The following SEMA3A variants were observed in gnomAD, a reference collection of about 807,000 sequenced individuals.
SEMA3A encodes semaphorin 3A, also known as semaphorin-3A.
Under a neutral mutation model 97.9 loss-of-function variants are expected in SEMA3A, and 29 were observed. The ratio of observed to expected loss-of-function variants is 0.30; its 90% CI spans 0.22 to 0.40. The LOEUF is 0.40. Among genes scored for constraint, SEMA3A ranks in the 10% least tolerant of loss-of-function variants. The pLI, the probability that SEMA3A is intolerant of heterozygous loss-of-function variation, is 1.00. For synonymous variants in SEMA3A, 321 were observed against 323.7 expected, an observed-to-expected ratio of 0.99 and a Z score of 0.09; for missense variants, 763 against 951.3, an observed-to-expected ratio of 0.80 and a Z score of 2.60.
intron 2 of SEMA3A, among the ~76,000 whole-genome samples, chr7:84,327,751 A>C (rs1801805120): frequency 6.6e-6 from 1 of 151,992 alleles, no homozygotes; most frequent in South Asian, 2.1e-4. Flanking sequence ...AATGCAAGTA[A>C]TGTGGCATTT....
At chr7:84,047,709 G>A (rs1306765927) in intron 5 of SEMA3A, among the ~76,000 whole-genome samples, 8 of 152,032 alleles carry the variant, frequency 5.3e-5, no homozygotes, top group African/African-American at 1.9e-4. Context: ...ATATTATCTT[G>A]TTGATCGAAT....
At chr7:84,369,538 G>T (rs1802927017) in intron 2 of SEMA3A, among the ~76,000 whole-genome samples, 1 of 151,004 alleles carries the variant, frequency 6.6e-6, no homozygotes, top group South Asian at 2.1e-4. Flanking sequence ...TGATTATATT[G>T]AACAGTCTTT....
intron 15 of SEMA3A, among the ~76,000 whole-genome samples, chr7:83,965,656 AT>A (rs1788656361): frequency 9.1e-5 from 1 of 10,984 alleles, no homozygotes; most frequent in East Asian, 4.8e-3. Context: ...ATATATATAT[AT>A]ATATATATAT....
intron 1 of SEMA3A, among the ~76,000 whole-genome samples, chr7:84,435,175 G>T (rs187509027): frequency 6.6e-6 from 1 of 151,600 alleles, no homozygotes; most frequent in East Asian, 1.9e-4. Context: ...CAAAATTAAC[G>T]TACAAAAATC....
intron 3 of SEMA3A, among the ~76,000 whole-genome samples, chr7:84,231,691 G>A (rs1321344983): frequency 6.6e-6 from 1 of 151,838 alleles, no homozygotes; most frequent in East Asian, 1.9e-4. Flanking sequence ...AGGCCAGAAG[G>A]GAATGGAAAA....
At chr7:83,988,968 T>A (rs1721982) in intron 12 of SEMA3A, among the ~76,000 whole-genome samples, 109,281 of 150,538 alleles carry the variant, frequency 0.73, 39,808 homozygotes, top group East Asian at 0.88. Context: ...TTCAGCTTTT[T>A]TAAAAAAAGT....
At chr7:84,090,364 A>G (rs34934460) in intron 4 of SEMA3A, among the ~76,000 whole-genome samples, 62,808 of 152,046 alleles carry the variant, frequency 0.41, 14,848 homozygotes, top group Admixed American at 0.52. Context: ...TTCTGTTTCT[A>G]AAACTTCTTT....
chr7:84,300,032 CA>C (rs58929555), intron 3 of SEMA3A, among the ~76,000 whole-genome samples: 7,334 of 53,328 alleles, frequency 0.14, 112 homozygotes, highest in East Asian at 0.22. Flanking sequence ...GACTCAGTCA[CA>C]AAAAAAAAAA....
At chr7:84,477,092 ATT>A (rs61617588) in intron 1 of SEMA3A, among the ~76,000 whole-genome samples, 3 of 141,566 alleles carry the variant, frequency 2.1e-5, no homozygotes, top group East Asian at 4.6e-4. Flanking sequence ...ATATATATAT[ATT>A]TTTCAAAAAA....
At chr7:84,217,265 C>T (rs973173332) in intron 3 of SEMA3A, among the ~76,000 whole-genome samples, 1 of 152,072 alleles carries the variant, frequency 6.6e-6, no homozygotes, top group Admixed American at 6.6e-5. Context: ...TTATAACTTC[C>T]TCCTCTCTAA....
intron 3 of SEMA3A, among the ~76,000 whole-genome samples, chr7:84,201,099 T>C (rs758677462): frequency 4.6e-5 from 7 of 152,092 alleles, no homozygotes; most frequent in Admixed American, 1.3e-4. Context: ...AGCAATATGG[T>C]TTAAAGGATT....
intron 1 of SEMA3A, among the ~76,000 whole-genome samples, chr7:84,423,527 G>A (rs1234949667): frequency 1.3e-5 from 2 of 151,946 alleles, no homozygotes; most frequent in Admixed American, 1.3e-4. Context: ...TTCCTTCCCA[G>A]ACACTTCCTA....
intron 2 of SEMA3A, among the ~76,000 whole-genome samples, chr7:84,318,118 A>C (rs1485900088): frequency 1.3e-5 from 2 of 152,044 alleles, no homozygotes; most frequent in Admixed American, 1.3e-4. Flanking sequence ...AAATAAAAGA[A>C]AAACATGCAC....
intron 1 of SEMA3A, among the ~76,000 whole-genome samples, chr7:84,386,960 A>G (rs1803413576): frequency 6.6e-6 from 1 of 152,134 alleles, no homozygotes; most frequent in African/African-American, 2.4e-5. Flanking sequence ...AGATCGCACC[A>G]CTGCACTCCA....
chr7:84,270,826 T>C (rs559633934), intron 3 of SEMA3A, among the ~76,000 whole-genome samples: 1 of 151,744 alleles, frequency 6.6e-6, no homozygotes, highest in South Asian at 2.1e-4. Flanking sequence ...TTTCTAAAAA[T>C]AGAAGCACAA....
chr7:84,150,298 CG>C (rs1796591942), intron 1 of SEMA3A, among the ~76,000 whole-genome samples: 1 of 152,158 alleles, frequency 6.6e-6, no homozygotes, highest in Non-Finnish European at 1.5e-5. Context: ...ACGCAGAAGA[CG>C]GGTGATTTCT....
intron 1 of SEMA3A, among the ~76,000 whole-genome samples, chr7:84,149,318 T>C (rs1439985202): frequency 1.3e-5 from 2 of 152,264 alleles, no homozygotes; most frequent in African/African-American, 4.8e-5. Context: ...GCTATTAATG[T>C]AATTGTCTAC....
At chr7:83,999,590 T>C (rs1411278912) in intron 12 of SEMA3A, among the ~76,000 whole-genome samples, 3 of 152,152 alleles carry the variant, frequency 2.0e-5, no homozygotes, top group African/African-American at 7.2e-5. Context: ...ACCATTTTTA[T>C]AGTGTTCATC....
At chr7:84,394,660 T>A (rs1584288447) in intron 1 of SEMA3A, among the ~76,000 whole-genome samples, 1 of 152,144 alleles carries the variant, frequency 6.6e-6, no homozygotes, top group Middle Eastern at 3.4e-3. Context: ...ACCTACAGAT[T>A]TAATAGATGA....
Sources: gnomAD v4.1 joint callset for allele counts (sites outside exome capture counted in the v4.1 genomes callset) on GRCh38, gnomAD v4.1.1 for gene constraint, MANE v1.5 for transcripts, NCBI Gene and HGNC (gene_info 2026-07-23, HGNC 2026-07-21) for gene names.